The following NDFIP2 variants were observed in gnomAD, a reference collection of about 807,000 sequenced individuals.
NDFIP2 encodes Nedd4 family interacting protein 2, also known as NEDD4 family-interacting protein 2.
A neutral mutation model predicts 36.0 loss-of-function variants in NDFIP2; 19 were observed. The observed-to-expected ratio is 0.53, with a 90% CI of 0.37 to 0.77. The LOEUF (loss-of-function observed/expected upper bound fraction) is 0.77. NDFIP2 is among the 30% of genes least tolerant of loss of function. The pLI, the probability that NDFIP2 is intolerant of heterozygous loss-of-function variation, is 0.00. For missense variants in NDFIP2, 446 were observed against 435.8 expected (o/e 1.02, Z -0.21); for synonymous variants, 181 against 167.7 (o/e 1.08, Z -0.61).
intron 1 of NDFIP2, among the ~76,000 whole-genome samples, chr13:79,496,500 G>C (rs1173295652): frequency 6.6e-6 from 1 of 151,878 alleles, no homozygotes; most frequent in Non-Finnish European, 1.5e-5. Context: ...TTTTGAAGTT[G>C]TGTAATGATA....
intron 1 of NDFIP2, among the ~76,000 whole-genome samples, chr13:79,493,708 A>C (rs75865827): frequency 6.6e-6 from 1 of 152,178 alleles, no homozygotes; most frequent in Non-Finnish European, 1.5e-5. Flanking sequence ...TAAAACCTTT[A>C]TGATAGCTAA....
At chr13:79,489,566 A>G (rs1873146310) in intron 1 of NDFIP2, among the ~76,000 whole-genome samples, 1 of 152,226 alleles carries the variant, frequency 6.6e-6, no homozygotes, top group Admixed American at 6.5e-5. Flanking sequence ...GTGCCACACC[A>G]GTCAATTTGA....
At position 79,551,140 on chromosome 13, in the gene NDFIP2, G is replaced by C. The variant is rs565171814; in HGVS notation, c.*2+18G>C. On this transcript the variant is annotated intron_variant, in intron 7 of 7. Coordinates refer to ENST00000218652, the MANE Select transcript of NDFIP2 (RefSeq NM_019080.3). ...TTGTAGAGGTAAGAAATATTAATCT[G>C]TGAACTCTGCCTATTCCCTTTATGT... is the stretch of plus-strand genomic sequence containing the variant. The C allele has an allele frequency of 2.7e-6, 4 of 1,486,626 alleles. No homozygotes were observed. The East Asian group carries it at 9.2e-5, about 34-fold the overall frequency. 92.1% of individuals were successfully genotyped at this position (1,486,626 alleles called of 1,614,324 possible).
chr13:79,499,157 A>C (rs1198477185), intron 1 of NDFIP2, among the ~76,000 whole-genome samples: 10 of 151,978 alleles, frequency 6.6e-5, no homozygotes, highest in Non-Finnish European at 1.5e-4. Context: ...AAATCACATG[A>C]CGTATAACAG....
chr13:79,500,688 A>G (rs1030605593), intron 1 of NDFIP2, among the ~76,000 whole-genome samples: 8 of 152,078 alleles, frequency 5.3e-5, no homozygotes, highest in Non-Finnish European at 1.2e-4. Context: ...GATGTGGAAC[A>G]AGAACTCTCA....
intron 1 of NDFIP2, among the ~76,000 whole-genome samples, chr13:79,485,177 G>A (rs1453880232): frequency 6.6e-6 from 1 of 152,102 alleles, no homozygotes; most frequent in Non-Finnish European, 1.5e-5. Flanking sequence ...CACAGCTGAG[G>A]AACTCAGAAA....
chr13:79,524,098 G>A (rs889397007), intron 2 of NDFIP2, among the ~76,000 whole-genome samples: 1 of 152,196 alleles, frequency 6.6e-6, no homozygotes, highest in Non-Finnish European at 1.5e-5. Flanking sequence ...TAATGGCCAC[G>A]TTACTGATTC....
Position 79,481,313 on chromosome 13 carries a change from C to A in NDFIP2, c.110C>A (p.Ser37Ter). 6.5e-7 allele frequency: 1 copy of A among 1,542,618 alleles called. No homozygotes were observed. The change falls in exon 1 of 8, where the codon TCG becomes TAG. Residue 37 changes from serine to a stop codon, truncating the protein, a stop_gained. Coordinates refer to ENST00000218652, the MANE Select transcript of NDFIP2 (RefSeq NM_019080.3). LOFTEE classifies it high-confidence loss of function. Reference sequence around the variant, plus strand: ...GGAACCGCGACCAACGCGGAGGTCTCGGCGGCCGCTGCGGGAGCCACAGGA... The same window carrying A: ...GGAACCGCGACCAACGCGGAGGTCTAGGCGGCCGCTGCGGGAGCCACAGGA... ...LRGTATNAEV[S>*]AAAAGATGSE...
intron 2 of NDFIP2, among the ~76,000 whole-genome samples, chr13:79,525,351 T>A (rs1288616275): frequency 1.3e-5 from 2 of 152,240 alleles, no homozygotes; most frequent in South Asian, 2.1e-4. Flanking sequence ...CTAGCACAAA[T>A]TTCTTTTTCC....
At chr13:79,490,186 A>G (rs1214663481) in intron 1 of NDFIP2, among the ~76,000 whole-genome samples, 1 of 152,202 alleles carries the variant, frequency 6.6e-6, no homozygotes, top group African/African-American at 2.4e-5. Flanking sequence ...ACAGGGTTCA[A>G]CTGAGTGAGA....
chr13:79,530,439 A>G (rs1874971176), intron 2 of NDFIP2, among the ~76,000 whole-genome samples: 1 of 152,176 alleles, frequency 6.6e-6, no homozygotes, highest in South Asian at 2.1e-4. Flanking sequence ...ATTTGTTAAA[A>G]TAAGACAGCA....
At chr13:79,540,615 C>T (rs935205225) in intron 4 of NDFIP2, among the ~76,000 whole-genome samples, 2 of 151,804 alleles carry the variant, frequency 1.3e-5, no homozygotes, top group Non-Finnish European at 2.9e-5. Flanking sequence ...ATCATAAAAC[C>T]GAGAAATAAT....
chr13:79,528,843 ATGT>A (rs1020015133), intron 2 of NDFIP2, among the ~76,000 whole-genome samples: 2 of 152,198 alleles, frequency 1.3e-5, no homozygotes, highest in African/African-American at 2.4e-5. Context: ...ACACTCTATG[ATGT>A]TCCACAAAAA....
chr13:79,532,338 A>AG (rs1485660500), intron 2 of NDFIP2, among the ~76,000 whole-genome samples: 1 of 152,192 alleles, frequency 6.6e-6, no homozygotes, highest in Non-Finnish European at 1.5e-5. Context: ...CTTATATAAA[A>AG]CTACTGTTGT....
chr13:79,498,447 T>C (rs189051366), intron 1 of NDFIP2, among the ~76,000 whole-genome samples: 38 of 152,082 alleles, frequency 2.5e-4, no homozygotes, highest in Admixed American at 1.3e-3. Context: ...AATGGGTTCA[T>C]TGGAGAATTC....
chr13:79,551,320 A>T (rs1875901622), intron 7 of NDFIP2, among the ~76,000 whole-genome samples, 198 bp downstream of exon 7: 1 of 151,530 alleles, frequency 6.6e-6, no homozygotes, highest in Non-Finnish European at 1.5e-5. Context: ...TTTAAAATTG[A>T]ATTTCATAAA....
intron 1 of NDFIP2, among the ~76,000 whole-genome samples, chr13:79,497,795 G>GGT (rs769463873): frequency 0.018 from 2,365 of 128,956 alleles, 27 homozygotes; most frequent in South Asian, 0.029. Flanking sequence ...ATCTGTGGGG[G>GGT]GTGTGTGTGT....
intron 1 of NDFIP2, among the ~76,000 whole-genome samples, chr13:79,514,941 T>A (rs1874222292): frequency 6.6e-6 from 1 of 152,240 alleles, no homozygotes; most frequent in African/African-American, 2.4e-5. Context: ...GAGCTCATGG[T>A]GCTCTTTGTG....
At chr13:79,541,789 A>C (rs1041520793) in intron 4 of NDFIP2, among the ~76,000 whole-genome samples, 5 of 152,206 alleles carry the variant, frequency 3.3e-5, no homozygotes, top group Non-Finnish European at 7.4e-5. Context: ...CACAAGTAAA[A>C]TTACAGTGAA....
Sources: allele counts gnomAD v4.1 joint callset (sites outside exome capture counted in the v4.1 genomes callset), GRCh38; gene constraint gnomAD v4.1.1; transcripts MANE v1.5; gene names NCBI Gene and HGNC (gene_info 2026-07-23, HGNC 2026-07-21).